EIF3I: variants seen among roughly 807,000 people sequenced by gnomAD.
EIF3I encodes the protein eukaryotic translation initiation factor 3 subunit I, also known as TGF-beta receptor-interacting protein 1.
EIF3I carries 20 observed loss-of-function variants against 43.3 expected under a neutral mutation model. That is an observed-to-expected ratio of 0.46 (90% CI 0.32 to 0.67). The LOEUF (loss-of-function observed/expected upper bound fraction) is 0.67, where lower values mean the gene tolerates loss of function less well. Ranked by LOEUF, EIF3I falls within the 30% of genes least tolerant of loss-of-function variation. The pLI is 0.03. For missense variants in EIF3I, 279 were observed against 421.4 expected (o/e 0.66, Z 2.96); for synonymous variants, 167 against 151.7 (o/e 1.10, Z -0.74).
chr1:32,226,465 G>T lies in EIF3I; in HGVS notation c.463G>T (p.Gly155Ter). The change falls in exon 6 of 12, where the codon GGA becomes TGA. Residue 155 changes from glycine to a stop codon, truncating the protein, a stop_gained. Transcript: ENST00000676679. LOFTEE classifies it high-confidence loss of function. ...CTCTAAAATCACCAGTGCTGTTTGG[G>T]GACCCCTGGGGGAGTGCATCATCGC... 3 of 1,599,902 alleles carry T rather than the reference G, an allele frequency of 1.9e-6. No homozygotes were observed. The highest frequency in any genetic ancestry group is 2.6e-6 in the Non-Finnish European group (3 of 1,173,364).
At chr1:32,229,614 G>A (rs188444306) in intron 9 of EIF3I, among the ~76,000 whole-genome samples, 1 of 141,280 alleles carries the variant, frequency 7.1e-6, no homozygotes, top group Admixed American at 7.6e-5. Context: ...GCAATGGCGC[G>A]ATCTCTGCTC....
In EIF3I at chr1:32,229,179, C is replaced by T. The variant is rs1347075464; in HGVS notation, c.774C>T (p.Thr258=). 7 of 1,614,186 alleles carry T rather than the reference C, an allele frequency of 4.3e-6. No individual in the cohort carries two copies. The South Asian group carries it at 5.5e-5, about 13-fold the overall frequency. The change falls in exon 9 of 12, where the codon ACC becomes ACT. Residue 258 remains threonine, a synonymous_variant. Coordinates refer to ENST00000676679, the Ensembl canonical transcript of EIF3I. ...AGGAAGCCATGGATGTAACCACAACCTCCACCAGGATTGGCAAGTTTGAGG... is the reference window on the plus strand; with the variant it reads ...AGGAAGCCATGGATGTAACCACAACTTCCACCAGGATTGGCAAGTTTGAGG...
chr1:32,230,937 T>C, exon 11 of EIF3I: 5 of 1,593,194 alleles, frequency 3.1e-6, no homozygotes, highest in Non-Finnish European at 4.3e-6. Context: ...GTTCTTCCAT[T>C]TGGCCTTTGA....
chr1:32,229,270 T>G (rs1557556288), intron 9 of EIF3I, 62 bp downstream of exon 9: 1 of 1,580,306 alleles, frequency 6.3e-7, no homozygotes, highest in Non-Finnish European at 8.6e-7. Flanking sequence ...TTTGTTTGTT[T>G]TTGTTTTTGA....
At chr1:32,225,767 A>G (rs1639133558) in intron 4 of EIF3I, among the ~76,000 whole-genome samples, 1 of 151,940 alleles carries the variant, frequency 6.6e-6, no homozygotes, top group African/African-American at 2.4e-5. Flanking sequence ...TCACACCTGT[A>G]ATCCCAGCAC....
At chr1:32,235,554 T>C (rs1424058965), downstream of EIF3I, among the ~76,000 whole-genome samples, 1 of 152,100 alleles carries the variant, frequency 6.6e-6, no homozygotes, top group African/African-American at 2.4e-5. Flanking sequence ...CTCCTGACCT[T>C]GTGATCCGCC....
intron 6 of EIF3I, 28 bp from the exon 7 acceptor site, chr1:32,228,471 T>C: frequency 6.3e-7 from 1 of 1,593,370 alleles, no homozygotes; most frequent in Non-Finnish European, 8.6e-7. Context: ...ATTGGGCCCA[T>C]TCAGTGTCAC....
intron 3 of EIF3I, 63 bp from the exon 4 acceptor site, chr1:32,224,347 C>T: frequency 2.1e-6 from 3 of 1,420,144 alleles, no homozygotes; most frequent in Non-Finnish European, 3.0e-6. Context: ...AGATGATTCA[C>T]TTGGCATCCC....
chr1:32,231,462 T>C (rs1137921), downstream of EIF3I: 30,552 of 305,206 alleles, frequency 0.1, 2,200 homozygotes, highest in South Asian at 0.25. Flanking sequence ...TTGCACTCCA[T>C]CCTGAGCCAC....
downstream of EIF3I, among the ~76,000 whole-genome samples, chr1:32,232,791 G>T (rs1452011095): frequency 6.6e-6 from 1 of 152,056 alleles, no homozygotes; most frequent in African/African-American, 2.4e-5. Flanking sequence ...GATGATCCAG[G>T]ACTAGTGGGG....
At chr1:32,228,651 C>A (rs759768656) in intron 7 of EIF3I, 42 bp downstream of exon 7, 10 of 1,605,792 alleles carry the variant, frequency 6.2e-6, no homozygotes, top group Non-Finnish European at 8.5e-6. Flanking sequence ...TCCCTCCCTC[C>A]GGCTGCACAG....
At chr1:32,228,814 C>T (rs1182960142) in exon 8 of EIF3I, 1 of 1,612,622 alleles carries the variant, frequency 6.2e-7, no homozygotes. Context: ...CAACTATGAC[C>T]ATGTAAGAGA....
chr1:32,227,748 C>T lies in EIF3I; in HGVS notation c.529-751C>T, dbSNP rs144274393. Among the ~76,000 whole-genome samples the T allele has an allele frequency of 5.9e-3, 895 of 152,242 alleles. 6 individuals are homozygous for T. Among genetic ancestry groups the T allele is most frequent in the African/African-American group, 0.021 (858 of 41,530 alleles). ...CATGATTGTGCCACTGTACTCCAGCCTGGGTGATAGAACAAGACCCTGTCT... is the reference window on the plus strand; with the variant it reads ...CATGATTGTGCCACTGTACTCCAGCTTGGGTGATAGAACAAGACCCTGTCT... On this transcript the variant is annotated intron_variant, in intron 6 of 11. Coordinates refer to ENST00000676679, the Ensembl canonical transcript of EIF3I.
chr1:32,236,055 C>T (rs1639294316), downstream of EIF3I, among the ~76,000 whole-genome samples: 1 of 152,232 alleles, frequency 6.6e-6, no homozygotes, highest in Admixed American at 6.5e-5. Flanking sequence ...TACCAAAGGA[C>T]ATTAGTTGAC....
chr1:32,226,375 A>G (rs772912286), intron 5 of EIF3I, 28 bp from the exon 6 acceptor site: 10 of 1,611,972 alleles, frequency 6.2e-6, no homozygotes, highest in African/African-American at 1.3e-5. Context: ...TCTAGAGCCC[A>G]GGGCCTAACA....
At chr1:32,225,184 C>A (rs1164533394) in intron 4 of EIF3I, among the ~76,000 whole-genome samples, 2 of 151,836 alleles carry the variant, frequency 1.3e-5, no homozygotes, top group African/African-American at 4.8e-5. Context: ...CCATGTTGGC[C>A]AGGCTGGTCT....
intron 4 of EIF3I, among the ~76,000 whole-genome samples, chr1:32,225,797 C>T (rs576586086): frequency 2.6e-5 from 4 of 150,952 alleles, no homozygotes; most frequent in East Asian, 3.9e-4. Flanking sequence ...CTGAGGCGGG[C>T]GGATCACGGG....
rs750306760 is a variant in EIF3I, at chr1:32,224,490, T to C, written c.250+15T>C. The C allele has an allele frequency of 3.0e-5, 48 of 1,610,048 alleles. No homozygotes were observed. Among genetic ancestry groups the C allele is most frequent in the Non-Finnish European group, 3.8e-5 (45 of 1,177,356 alleles). ...CTGTGAAACAGGTAAGCTGGGTTCA[T>C]TCACCTTTTTAGCAAATATTGAGGA... On this transcript the variant is annotated intron_variant, in intron 4 of 11. Coordinates refer to ENST00000676679, the Ensembl canonical transcript of EIF3I.
At chr1:32,228,848 G>C in intron 8 of EIF3I, 32 bp downstream of exon 8, 2 of 1,543,522 alleles carry the variant, frequency 1.3e-6, no homozygotes, top group Non-Finnish European at 1.8e-6. Flanking sequence ...TCCTGCTGAA[G>C]CCTCAGGAAG....
Sources: allele counts gnomAD v4.1 joint callset (sites outside exome capture counted in the v4.1 genomes callset), GRCh38; gene constraint gnomAD v4.1.1; transcripts MANE v1.5; gene names NCBI Gene and HGNC (gene_info 2026-07-23, HGNC 2026-07-21).